ZNF76: variants seen among roughly 807,000 people sequenced by gnomAD.
ZNF76 encodes zinc finger protein 523.
A neutral mutation model predicts 66.9 loss-of-function variants in ZNF76; 66 were observed. The observed-to-expected ratio is 0.99, with a 90% CI of 0.81 to 1.21. The LOEUF (loss-of-function observed/expected upper bound fraction) is 1.21, where lower values mean the gene tolerates loss of function less well. ZNF76 is among the 50% of genes most tolerant of loss of function. ZNF76 has a pLI of 0.00. For missense variants in ZNF76, 729 were observed against 760.3 expected (o/e 0.96, Z 0.48); for synonymous variants, 275 against 296.1 (o/e 0.93, Z 0.73).
intron 1 of ZNF76, among the ~76,000 whole-genome samples, chr6:35,269,280 CAAA>C (rs10615994): frequency 0.057 from 4,683 of 82,100 alleles, 250 homozygotes; most frequent in African/African-American, 0.18. Context: ...GACTCTGTCT[CAAA>C]AAAAAAAAAA....
intron 1 of ZNF76, among the ~76,000 whole-genome samples, chr6:35,277,999 A>G (rs1341307875): frequency 6.6e-6 from 1 of 152,012 alleles, no homozygotes; most frequent in Non-Finnish European, 1.5e-5. Context: ...AGCTGGAACT[A>G]CAGGCGCCCT....
chr6:35,295,490 C>T lies in ZNF76; in HGVS notation c.*242C>T, dbSNP rs73745181. On this transcript the variant is annotated 3_prime_UTR_variant, in exon 14 of 14. Transcript: ENST00000373953. ...GGAGCTGACAACAGCCAGGCTACAC[C>T]AGGGCACCCGCCTCTCAAAATCAGC... 2.5e-3 allele frequency: 1,325 copies of T among 521,466 alleles called. 13 individuals carry two copies. The highest frequency in any genetic ancestry group is 0.017 in the African/African-American group (873 of 52,372). 32.3% of individuals were successfully genotyped at this position (521,466 alleles called of 1,614,324 possible).
chr6:35,291,853 T>C, intron 9 of ZNF76, 116 bp downstream of exon 9: 1 of 1,292,792 alleles, frequency 7.7e-7, no homozygotes, highest in Non-Finnish European at 1.1e-6. Context: ...GTGCCAGCCA[T>C]TCCAGGCTGG....
At chr6:35,270,906 C>G (rs764500773) in intron 1 of ZNF76, among the ~76,000 whole-genome samples, 1 of 152,094 alleles carries the variant, frequency 6.6e-6, no homozygotes, top group South Asian at 2.1e-4. Flanking sequence ...CTGTTGAACC[C>G]GGGAGGCAGA....
At chr6:35,289,723 C>G (rs974461789) in intron 5 of ZNF76, among the ~76,000 whole-genome samples, 5 of 152,194 alleles carry the variant, frequency 3.3e-5, no homozygotes, top group African/African-American at 1.2e-4. Context: ...CCCCTGGGTG[C>G]TTCTGGTCGT....
At chr6:35,266,214 G>T (rs1463412978) in intron 1 of ZNF76, among the ~76,000 whole-genome samples, 1 of 151,614 alleles carries the variant, frequency 6.6e-6, no homozygotes, top group East Asian at 1.9e-4. Context: ...GTGCAGTGGC[G>T]TGATCTCAGC....
intron 1 of ZNF76, among the ~76,000 whole-genome samples, chr6:35,278,145 C>A (rs1168999442): frequency 6.6e-6 from 1 of 151,858 alleles, no homozygotes; most frequent in East Asian, 1.9e-4. Flanking sequence ...TGTGAGCCAC[C>A]ACGCCCAGCC....
chr6:35,261,723 G>A (rs922724996), intron 1 of ZNF76, among the ~76,000 whole-genome samples: 6 of 151,934 alleles, frequency 3.9e-5, no homozygotes, highest in Non-Finnish European at 7.4e-5. Flanking sequence ...GATCCCTAAG[G>A]TTTCTGTTCT....
intron 8 of ZNF76, 25 bp downstream of exon 8, chr6:35,291,428 A>G (rs1233346793): frequency 1.2e-6 from 2 of 1,613,960 alleles, no homozygotes; most frequent in Non-Finnish European, 1.7e-6. Context: ...GCCCACTCCA[A>G]CCCCATTCCC....
At chr6:35,293,711 C>T (rs1200685551) in intron 11 of ZNF76, 40 bp from the exon 12 acceptor site, 3 of 1,606,304 alleles carry the variant, frequency 1.9e-6, no homozygotes, top group African/African-American at 1.3e-5. Flanking sequence ...AGACAACCCT[C>T]CACTGACACT....
At chr6:35,272,489 GTGTGTGTGTGTGTGTGTGTGTGTA>G (rs1445650383) in intron 1 of ZNF76, among the ~76,000 whole-genome samples, 2 of 20,504 alleles carry the variant, frequency 9.8e-5, no homozygotes, top group Non-Finnish European at 1.0e-3. Context: ...GTGTGTGTGT[GTGTGTGTGTGTGTGTGTGTGTGTA>G]TGTATATGCA....
chr6:35,287,546 C>T lies in ZNF76; in HGVS notation c.233-100C>T. 8.7e-7 allele frequency: 1 copy of T among 1,146,538 alleles called. No individual in the cohort carries two copies. Among genetic ancestry groups the T allele is most frequent in the Non-Finnish European group, 1.2e-6 (1 of 812,078 alleles). 71.0% of individuals were successfully genotyped at this position (1,146,538 alleles called of 1,614,324 possible). ...GGCCATGAGAAATTGGATGTTGAAA[C>T]CCTCCTTGGTATATGTATCTCTCAT... On this transcript the variant is annotated intron_variant, in intron 4 of 13. Transcript: ENST00000373953. This position sits in a 1 kb window ranked among gnomAD's most constrained non-coding sequence, Gnocchi z 4.0.
chr6:35,290,780 T>C, intron 7 of ZNF76, 64 bp downstream of exon 7: 1 of 1,506,892 alleles, frequency 6.6e-7, no homozygotes, highest in East Asian at 2.3e-5. Flanking sequence ...TTGGGACCTC[T>C]CTGAAGGGAA....
chr6:35,284,680 T>G (rs955464776), intron 2 of ZNF76, among the ~76,000 whole-genome samples: 6 of 149,884 alleles, frequency 4.0e-5, no homozygotes, highest in Middle Eastern at 6.7e-3. Flanking sequence ...GGATTACAGA[T>G]GTAAGCCACC....
At chr6:35,291,509 G>C in intron 8 of ZNF76, 49 bp from the exon 9 acceptor site, 1 of 1,606,958 alleles carries the variant, frequency 6.2e-7, no homozygotes, top group Non-Finnish European at 8.5e-7. Flanking sequence ...GCTTGCTCCA[G>C]CATGGCCCTC....
chr6:35,281,223 A>AGGTAAGTATTTCT lies in ZNF76; in HGVS notation c.73+2_73+14dup, dbSNP rs1485548062. 1 of 1,613,518 alleles carries AGGTAAGTATTTCT rather than the reference A, an allele frequency of 6.2e-7. No individual in the cohort carries two copies. The highest frequency in any genetic ancestry group is 1.3e-5 in the African/African-American group (1 of 75,002). On this transcript the variant is annotated frameshift_variant and splice_region_variant, in exon 2 of 14. Transcript: ENST00000373953. LOFTEE classifies it high-confidence loss of function. ...CAGCCTACGTCCAGCAAGCTGTCAAAGGTAAGTATTTCTGGGGACCTCAGG... is the reference window on the plus strand; with the variant it reads ...CAGCCTACGTCCAGCAAGCTGTCAAAGGTAAGTATTTCTGGTAAGTATTTCTGGGGACCTCAGG...
chr6:35,260,998 T>C (rs145560714), intron 1 of ZNF76, among the ~76,000 whole-genome samples: 1,583 of 152,300 alleles, frequency 0.01, 14 homozygotes, highest in Non-Finnish European at 0.015. Context: ...CAAAGCAGTA[T>C]AGCAGAGTGC....
In ZNF76 at chr6:35,291,066, A is replaced by C. The variant is rs1027621384; in HGVS notation, c.626-212A>C. ...CCATGAGTTCTCTAAGTTTCTTTTC[A>C]TGCTCATGTTCTGGTATGGCTCCAA... On this transcript the variant is annotated intron_variant, in intron 7 of 13. Coordinates refer to ENST00000373953, the MANE Select transcript of ZNF76 (RefSeq NM_003427.5). 9 of 626,310 alleles carry C rather than the reference A, an allele frequency of 1.4e-5. No individual in the cohort carries two copies. The African/African-American group carries it at 1.7e-4, about 12-fold the overall frequency. 38.8% of individuals were successfully genotyped at this position (626,310 alleles called of 1,614,324 possible).
At position 35,259,841 on chromosome 6, in the gene ZNF76, G is replaced by T; in HGVS notation, c.-97G>T. On this transcript the variant is annotated splice_region_variant and 5_prime_UTR_variant, in exon 1 of 14. Transcript: ENST00000373953. ...GCGGAGTCGCCCTCGGGGGCTGTCA[G>T]GTTGGTGGCTGCGGGAGGAGTGGGC... 1 of 152,710 alleles carries T rather than the reference G, an allele frequency of 6.5e-6. No homozygotes were observed. Among genetic ancestry groups the T allele is most frequent in the Non-Finnish European group, 1.5e-5 (1 of 68,394 alleles). 9.5% of individuals were successfully genotyped at this position (152,710 alleles called of 1,614,324 possible).
Sources: gnomAD v4.1 joint callset for allele counts (sites outside exome capture counted in the v4.1 genomes callset) on GRCh38, gnomAD v4.1.1 for gene constraint, Gnocchi (gnomAD v3.1) non-coding constraint, MANE v1.5 for transcripts, NCBI Gene and HGNC (gene_info 2026-07-23, HGNC 2026-07-21) for gene names.